ADGRD1: variants seen among roughly 807,000 people sequenced by gnomAD.
ADGRD1 encodes adhesion G protein-coupled receptor D1, also known as G-protein coupled receptor 133.
ADGRD1 carries 77 observed loss-of-function variants against 113.4 expected under a neutral mutation model. The observed-to-expected ratio is 0.68, with a 90% CI of 0.57 to 0.82. ADGRD1 has a LOEUF of 0.82. Ranked by LOEUF, ADGRD1 falls within the 40% of genes least tolerant of loss-of-function variation. ADGRD1 has a pLI of 0.00. For synonymous variants in ADGRD1, 474 were observed against 475.0 expected (o/e 1.00, Z 0.03); for missense variants, 1,036 against 1,139.1 (o/e 0.91, Z 1.30).
At chr12:131,078,519 G>A (rs191068259) in intron 14 of ADGRD1, among the ~76,000 whole-genome samples, 56 of 152,260 alleles carry the variant, frequency 3.7e-4, no homozygotes, top group African/African-American at 1.3e-3. Context: ...TTCCAATTCC[G>A]GGGCACTGTT....
chr12:131,111,107 T>C (rs1210601460), intron 18 of ADGRD1, among the ~76,000 whole-genome samples: 3 of 152,140 alleles, frequency 2.0e-5, no homozygotes, highest in Non-Finnish European at 4.4e-5. Flanking sequence ...CTTTTTTTTT[T>C]TCTTTTTGAG....
chr12:131,051,486 C>CTTTGTTTT (rs139359592), intron 13 of ADGRD1, among the ~76,000 whole-genome samples: 1 of 147,166 alleles, frequency 6.8e-6, no homozygotes, highest in Non-Finnish European at 1.5e-5. Context: ...TCTTTCTTTT[C>CTTTGTTTT]TTTTTTTTTT....
intron 15 of ADGRD1, among the ~76,000 whole-genome samples, chr12:131,097,045 C>A (rs907381112): frequency 6.6e-6 from 1 of 152,170 alleles, no homozygotes; most frequent in South Asian, 2.1e-4. Flanking sequence ...CTGGCTTCCA[C>A]GGGGGGATTT....
At chr12:130,958,763 G>C (rs1490429758) in intron 2 of ADGRD1, among the ~76,000 whole-genome samples, 1 of 147,052 alleles carries the variant, frequency 6.8e-6, no homozygotes, top group African/African-American at 2.5e-5. Context: ...CATCGCAAGA[G>C]AACAGCTCCT....
chr12:131,132,239 T>TC (rs2136099138), intron 21 of ADGRD1, among the ~76,000 whole-genome samples: 1 of 152,204 alleles, frequency 6.6e-6, no homozygotes, highest in Non-Finnish European at 1.5e-5. Flanking sequence ...GATAACAGGT[T>TC]CCCCCTCAGC....
At chr12:131,099,476 A>G (rs1052650202) in intron 15 of ADGRD1, among the ~76,000 whole-genome samples, 2 of 152,170 alleles carry the variant, frequency 1.3e-5, no homozygotes, top group African/African-American at 4.8e-5. Context: ...GATCACCTAG[A>G]TTGTCACCTT....
At chr12:131,004,093 C>CA in intron 10 of ADGRD1, 93 bp from the exon 11 acceptor site, 2 of 738,430 alleles carry the variant, frequency 2.7e-6, no homozygotes, top group Non-Finnish European at 4.8e-6. Flanking sequence ...CTTGTCCTGT[C>CA]AAAAAAGAAA....
chr12:131,019,400 C>T (rs914702909), intron 13 of ADGRD1, among the ~76,000 whole-genome samples: 4 of 152,190 alleles, frequency 2.6e-5, no homozygotes, highest in African/African-American at 9.7e-5. Flanking sequence ...CAGGGGTTTT[C>T]GACACGACGA....
At position 131,003,711 on chromosome 12, in the gene ADGRD1, G is replaced by A. The variant is rs888040630; in HGVS notation, c.1144+409G>A. ...GTAGAGGCAGAGGTGATGACCTTTC[G>A]ATTTTAAAAGTCTTTACCAGGAGTG... On this transcript the variant is annotated intron_variant, in intron 10 of 24. Transcript: ENST00000261654. This position sits in a 1 kb window ranked among gnomAD's most constrained non-coding sequence, Gnocchi z 4.8. 1.9e-4 allele frequency among the ~76,000 whole-genome samples: 29 copies of A among 152,332 alleles called. No individual in the cohort carries two copies. Among genetic ancestry groups the A allele is most frequent in the Middle Eastern group, 3.4e-3 (1 of 294 alleles).
intron 3 of ADGRD1, chr12:130,968,112 T>C (rs1476605286): frequency 6.6e-6 from 1 of 152,248 alleles, no homozygotes; most frequent in Non-Finnish European, 1.5e-5. Context: ...CTTGAATAAC[T>C]GTCAGTGTCT....
At chr12:131,104,363 G>T (rs1031944466) in intron 15 of ADGRD1, among the ~76,000 whole-genome samples, 1 of 152,236 alleles carries the variant, frequency 6.6e-6, no homozygotes, top group Non-Finnish European at 1.5e-5. Flanking sequence ...AATTCATGGA[G>T]TCCTTGCGGC....
intron 2 of ADGRD1, among the ~76,000 whole-genome samples, chr12:130,964,384 A>G (rs189432198): frequency 2.0e-5 from 3 of 152,128 alleles, no homozygotes; most frequent in Admixed American, 1.3e-4. Flanking sequence ...TTCTCCTCTA[A>G]TTTAAAAGAC....
chr12:131,034,454 G>A (rs145386659), intron 13 of ADGRD1, among the ~76,000 whole-genome samples: 2 of 152,300 alleles, frequency 1.3e-5, no homozygotes, highest in African/African-American at 4.8e-5. Flanking sequence ...CCTGGAAGGC[G>A]GCACTGTCTT....
At chr12:131,091,650 G>A (rs1348687187) in intron 15 of ADGRD1, among the ~76,000 whole-genome samples, 2 of 152,210 alleles carry the variant, frequency 1.3e-5, no homozygotes, top group Non-Finnish European at 2.9e-5. Context: ...TTGTATCTTG[G>A]TATGTGATTA....
intron 12 of ADGRD1, among the ~76,000 whole-genome samples, 175 bp downstream of exon 12, chr12:131,006,222 G>C (rs1421636270): frequency 6.6e-6 from 1 of 152,234 alleles, no homozygotes; most frequent in Non-Finnish European, 1.5e-5. Flanking sequence ...CTTGGGAACT[G>C]CAAGGCTGGG....
chr12:131,054,938 G>T (rs1883720975), intron 13 of ADGRD1, among the ~76,000 whole-genome samples: 2 of 152,220 alleles, frequency 1.3e-5, no homozygotes, highest in South Asian at 4.1e-4. Context: ...TTAGGTTTCA[G>T]TTGGTGCCAA....
rs552333041 is a variant in ADGRD1, at chr12:131,105,779, C to T, written c.1801C>T (p.Arg601Cys). 6.2e-6 allele frequency: 10 copies of T among 1,601,420 alleles called. No homozygotes were observed. The highest frequency in any genetic ancestry group is 1.7e-5 in the Admixed American group (1 of 60,006). ...LSSVSTIRNQ[R>C]YHIHANLSFA... ...CTCCGTGAGCACCATCCGGAACCAG[C>T]GCTACCACATCCACGCCAACCTGTC... Residue 601 changes from arginine (R) to cysteine (C), a missense_variant, in exon 17 of 25, where the codon CGC (arginine) becomes TGC (cysteine). By Grantham distance (180) the Arg-to-Cys change is radical. Coordinates refer to ENST00000261654, the MANE Select transcript of ADGRD1 (RefSeq NM_198827.5).
At chr12:131,054,854 C>G (rs936502345) in intron 13 of ADGRD1, among the ~76,000 whole-genome samples, 2 of 152,196 alleles carry the variant, frequency 1.3e-5, no homozygotes, top group Admixed American at 1.3e-4. Context: ...TGTTTCCTGT[C>G]CCTCATGCAC....
At chr12:130,976,813 A>G (rs2177936) in intron 4 of ADGRD1, 110,592 of 151,484 alleles carry the variant, frequency 0.73, 43,446 homozygotes, top group East Asian at 0.94. Flanking sequence ...TTTGAACCCA[A>G]GAGTTTCAGA....
Sources: allele counts gnomAD v4.1 joint callset (sites outside exome capture counted in the v4.1 genomes callset), GRCh38; gene constraint gnomAD v4.1.1; non-coding constraint Gnocchi (gnomAD v3.1); transcripts MANE v1.5; gene names NCBI Gene and HGNC (gene_info 2026-07-23, HGNC 2026-07-21).